The following PRELID2 variants were observed in gnomAD, a reference collection of about 807,000 sequenced individuals.
PRELID2 encodes the protein PRELI domain containing 2.
PRELID2 carries 25 observed loss-of-function variants against 28.4 expected under a neutral mutation model. The ratio of observed to expected loss-of-function variants is 0.88; its 90% CI spans 0.64 to 1.23. PRELID2 has a LOEUF of 1.23. Among genes scored for constraint, PRELID2 ranks in the 50% most tolerant of loss-of-function variants. The probability of loss-of-function intolerance (pLI) is 0.00; values close to 1 mark genes in which losing one functional copy is unlikely to be tolerated. For synonymous variants in PRELID2, 76 were observed against 71.6 expected (o/e 1.06, Z -0.31); for missense variants, 201 against 214.4 (o/e 0.94, Z 0.39).
Position 145,477,941 on chromosome 5 carries a change from C to A in PRELID2, n.71-4626G>T, listed in dbSNP as rs150296324. ...GAAATTTGAGATGTTAAGGTGAGAACAGTCAGTTTGGGCTATTTCTTACCA... is the reference window on the plus strand; with the variant it reads ...GAAATTTGAGATGTTAAGGTGAGAAAAGTCAGTTTGGGCTATTTCTTACCA... On this transcript the variant is annotated intron_variant and non_coding_transcript_variant, in intron 1 of 2. Transcript: ENST00000510259. Among the ~76,000 whole-genome samples the A allele has an allele frequency of 5.9e-4, 89 of 152,132 alleles. No homozygotes were observed. In the East Asian group the frequency reaches 0.011, roughly 19 times the overall value.
At chr5:145,458,000 C>G in the PRELID2 span, among the ~76,000 whole-genome samples, 4 of 152,162 alleles carry the variant, frequency 2.6e-5, no homozygotes, top group South Asian at 2.1e-4. Context: ...ATTAGATTCT[C>G]AACCCTTATT....
the PRELID2 span, among the ~76,000 whole-genome samples, chr5:145,354,324 C>A: frequency 6.6e-6 from 1 of 152,060 alleles, no homozygotes; most frequent in East Asian, 1.9e-4. Context: ...GGAAAGGTTG[C>A]CCCATTCTAT....
rs1160256255 is a variant in PRELID2 at position 145,764,969 on chromosome 5, TC to T, written c.505del (p.Glu169AsnfsTer7). On this transcript the variant is annotated frameshift_variant, in exon 6 of 7. Transcript: ENST00000683046. LOFTEE classifies it high-confidence loss of function. ...TTCAGCTAAGGGGGCACCACACTGT[TC>T]CTTTAGCAGCATCTCCATGATTCTA... ...GIRIMEMLLK[E>X]QCGAPLAE The T allele has an allele frequency of 2.5e-6, 4 of 1,611,530 alleles. No homozygotes were observed. The highest frequency in any genetic ancestry group is 3.4e-6 in the Non-Finnish European group (4 of 1,179,106).
At chr5:145,820,801 G>C (rs1754730114) in intron 2 of PRELID2, among the ~76,000 whole-genome samples, 2 of 152,242 alleles carry the variant, frequency 1.3e-5, no homozygotes, top group East Asian at 3.9e-4. Context: ...GGCTATTCCT[G>C]TTCTTTTTAT....
At chr5:145,539,614 G>A (rs1477070330) in intron 1 of PRELID2, among the ~76,000 whole-genome samples, 1 of 151,326 alleles carries the variant, frequency 6.6e-6, no homozygotes, top group African/African-American at 2.4e-5. Context: ...TTTTATGTCT[G>A]GCACAAATAC....
At chr5:145,502,071 T>C (rs1204091693) in intron 1 of PRELID2, among the ~76,000 whole-genome samples, 1 of 152,118 alleles carries the variant, frequency 6.6e-6, no homozygotes, top group African/African-American at 2.4e-5. Flanking sequence ...AAAAACTACC[T>C]GAGACTGAGT....
At chr5:145,769,747 C>T (rs1156644807) in intron 5 of PRELID2, among the ~76,000 whole-genome samples, 1 of 152,154 alleles carries the variant, frequency 6.6e-6, no homozygotes, top group African/African-American at 2.4e-5. Flanking sequence ...TGAACTGATG[C>T]ACCCACTGTG....
chr5:145,673,310 TGAGA>T (rs1176226316), intron 1 of PRELID2, among the ~76,000 whole-genome samples: 2 of 152,104 alleles, frequency 1.3e-5, no homozygotes, highest in African/African-American at 4.8e-5. Flanking sequence ...TTAGATGTTC[TGAGA>T]GAGAGGAGGG....
chr5:145,241,413 A>T, the PRELID2 span, among the ~76,000 whole-genome samples: 3 of 152,026 alleles, frequency 2.0e-5, no homozygotes, highest in Non-Finnish European at 4.4e-5. Flanking sequence ...CACCAACCAC[A>T]TGCAACCATC....
chr5:145,371,326 G>T, the PRELID2 span, among the ~76,000 whole-genome samples: 1 of 152,046 alleles, frequency 6.6e-6, no homozygotes, highest in African/African-American at 2.4e-5. Flanking sequence ...AACATGAAGG[G>T]ATATTGAATT....
At chr5:145,827,622 G>A (rs930188741) in intron 1 of PRELID2, among the ~76,000 whole-genome samples, 6 of 152,128 alleles carry the variant, frequency 3.9e-5, no homozygotes, top group East Asian at 3.9e-4. Flanking sequence ...AATCAGCAAC[G>A]GCATAGTGAA....
At chr5:145,387,107 A>G in the PRELID2 span, among the ~76,000 whole-genome samples, 3 of 152,212 alleles carry the variant, frequency 2.0e-5, no homozygotes, top group Admixed American at 2.0e-4. Context: ...TTCATTTTGC[A>G]AATAACACTC....
chr5:145,382,729 G>C, the PRELID2 span, among the ~76,000 whole-genome samples: 1 of 151,944 alleles, frequency 6.6e-6, no homozygotes, highest in Non-Finnish European at 1.5e-5. Context: ...GATCTCTTAT[G>C]AGGCTGGTCT....
chr5:145,583,323 A>G (rs995877524), intron 1 of PRELID2, among the ~76,000 whole-genome samples: 2 of 152,162 alleles, frequency 1.3e-5, no homozygotes. Flanking sequence ...TAACAAACCC[A>G]CAGCCAATAT....
chr5:145,773,437 T>C (rs1758224811), intron 5 of PRELID2, among the ~76,000 whole-genome samples: 1 of 152,254 alleles, frequency 6.6e-6, no homozygotes, highest in Admixed American at 6.5e-5. Flanking sequence ...AAATTTGACC[T>C]GCATATAATT....
intron 1 of PRELID2, among the ~76,000 whole-genome samples, chr5:145,671,195 GA>G (rs1754699487): frequency 6.6e-6 from 1 of 152,088 alleles, no homozygotes; most frequent in South Asian, 2.1e-4. Context: ...ATGAATTAAG[GA>G]AAAGGGGGTT....
intron 1 of PRELID2, among the ~76,000 whole-genome samples, chr5:145,676,658 A>G (rs1189867052): frequency 6.6e-6 from 1 of 152,230 alleles, no homozygotes; most frequent in East Asian, 1.9e-4. Context: ...AGTTGCTACT[A>G]TCATGACAGA....
chr5:145,391,183 A>C, the PRELID2 span, among the ~76,000 whole-genome samples: 20 of 152,156 alleles, frequency 1.3e-4, no homozygotes, highest in East Asian at 3.7e-3. Flanking sequence ...TCTTCTCAAA[A>C]TTCTGAGGTT....
chr5:145,671,711 C>T (rs1264537698), intron 1 of PRELID2, among the ~76,000 whole-genome samples: 2 of 152,124 alleles, frequency 1.3e-5, no homozygotes, highest in African/African-American at 4.8e-5. Context: ...GTTTCTTAAT[C>T]CTTTTTAATG....
Sources: allele counts gnomAD v4.1 joint callset (sites outside exome capture counted in the v4.1 genomes callset), GRCh38; gene constraint gnomAD v4.1.1; transcripts MANE v1.5; gene names NCBI Gene and HGNC (gene_info 2026-07-23, HGNC 2026-07-21).